Variants in RALYL observed in about 807,000 individuals in gnomAD.
The protein encoded by RALYL is RALY RNA binding protein like.
A neutral mutation model predicts 35.1 loss-of-function variants in RALYL; 29 were observed. The ratio of observed to expected loss-of-function variants is 0.83; its 90% CI spans 0.61 to 1.13. The LOEUF (loss-of-function observed/expected upper bound fraction) is 1.13, where lower values mean the gene tolerates loss of function less well. Ranked by LOEUF, RALYL falls within the 50% of genes most tolerant of loss-of-function variation. The probability of loss-of-function intolerance (pLI) is 0.00; values close to 1 mark genes in which losing one functional copy is unlikely to be tolerated. For synonymous variants in RALYL, 120 were observed against 127.6 expected (o/e 0.94, Z 0.40); for missense variants, 359 against 360.4 (o/e 1.00, Z 0.03).
chr8:84,497,213 T>G (rs969791742), intron 1 of RALYL, among the ~76,000 whole-genome samples: 2 of 152,142 alleles, frequency 1.3e-5, no homozygotes, highest in African/African-American at 4.8e-5. Context: ...TGATGGCTAC[T>G]CTCAAGCATG....
chr8:84,402,669 G>C (rs1039613810), intron 1 of RALYL, among the ~76,000 whole-genome samples: 2 of 152,064 alleles, frequency 1.3e-5, no homozygotes, highest in African/African-American at 4.8e-5. Context: ...AGTGAAAATA[G>C]ACCCTTCCAA....
intron 4 of RALYL, among the ~76,000 whole-genome samples, chr8:84,817,446 T>C (rs1411534251): frequency 6.6e-6 from 1 of 151,882 alleles, no homozygotes; most frequent in Admixed American, 6.6e-5. Flanking sequence ...TGAATCCTAT[T>C]CTGTCACTTC....
chr8:84,460,659 A>G (rs760299730), intron 1 of RALYL, among the ~76,000 whole-genome samples: 1 of 151,882 alleles, frequency 6.6e-6, no homozygotes, highest in East Asian at 1.9e-4. Context: ...ATAAATGTAT[A>G]TGAAAATAAT....
intron 1 of RALYL, among the ~76,000 whole-genome samples, chr8:84,423,641 G>T (rs538852425): frequency 2.6e-5 from 4 of 151,974 alleles, no homozygotes; most frequent in African/African-American, 9.7e-5. Flanking sequence ...TTTCTTCCTA[G>T]TCTCGATGGT....
intron 3 of RALYL, among the ~76,000 whole-genome samples, chr8:84,798,107 A>G (rs1233574284): frequency 6.6e-6 from 1 of 152,142 alleles, no homozygotes; most frequent in African/African-American, 2.4e-5. Flanking sequence ...CTCTGGGCGA[A>G]CTTATTCTCT....
chr8:84,613,229 A>T (rs910181816), intron 2 of RALYL, among the ~76,000 whole-genome samples: 1 of 151,734 alleles, frequency 6.6e-6, no homozygotes, highest in African/African-American at 2.4e-5. Context: ...CTAAAAATGA[A>T]TCATTTCAGA....
chr8:84,526,844 T>A (rs2058938022), intron 1 of RALYL, among the ~76,000 whole-genome samples: 1 of 152,192 alleles, frequency 6.6e-6, no homozygotes, highest in South Asian at 2.1e-4. Context: ...ACTTTCCTTG[T>A]CTCTTCTTTC....
intron 1 of RALYL, among the ~76,000 whole-genome samples, chr8:84,283,562 C>A (rs2132114526): frequency 6.6e-6 from 1 of 152,202 alleles, no homozygotes; most frequent in African/African-American, 2.4e-5. Flanking sequence ...CAACATGATG[C>A]TGTAATTAAG....
chr8:84,306,481 C>T (rs191401841), intron 1 of RALYL, among the ~76,000 whole-genome samples: 248 of 152,232 alleles, frequency 1.6e-3, no homozygotes, highest in African/African-American at 5.7e-3. Context: ...CCTCCCTGAT[C>T]CCTCTTCAGG....
intron 1 of RALYL, among the ~76,000 whole-genome samples, chr8:84,295,749 AT>A (rs1232592896): frequency 9.9e-5 from 15 of 152,142 alleles, no homozygotes; most frequent in Admixed American, 9.8e-4. Flanking sequence ...GTCATGTCAA[AT>A]TCATAATCAC....
At chr8:84,265,487 G>T (rs1833112995) in intron 1 of RALYL, among the ~76,000 whole-genome samples, 1 of 152,158 alleles carries the variant, frequency 6.6e-6, no homozygotes, top group Non-Finnish European at 1.5e-5. Flanking sequence ...TCAGCTGACA[G>T]CCAGGAAGGA....
At chr8:84,554,673 A>G (rs1173579855) in intron 2 of RALYL, among the ~76,000 whole-genome samples, 1 of 152,180 alleles carries the variant, frequency 6.6e-6, no homozygotes, top group Non-Finnish European at 1.5e-5. Flanking sequence ...TTTAGCCACA[A>G]CACATCCTAT....
At chr8:84,469,906 G>A (rs995144489) in intron 1 of RALYL, among the ~76,000 whole-genome samples, 4 of 152,180 alleles carry the variant, frequency 2.6e-5, no homozygotes, top group Non-Finnish European at 5.9e-5. Context: ...GATTTTCCAG[G>A]TGCCGTCTGT....
rs772217937 is a variant in RALYL, at chr8:84,887,630, A to C, written c.712A>C (p.Ser238Arg). 6.2e-7 allele frequency: 1 copy of C among 1,603,620 alleles called. No homozygotes were observed. Among genetic ancestry groups the C allele is most frequent in the Admixed American group, 1.7e-5 (1 of 58,386 alleles). Residue 238 changes from serine to arginine, a missense_variant, in exon 8 of 9, where the codon AGT becomes CGT. Physicochemically the swap from Ser to Arg is moderately radical, Grantham distance 110 (BLOSUM62 -1). Transcript: ENST00000521268. ...AEAQKKQLEESLVLIQEECVS... is the reference protein window; with the variant it reads ...AEAQKKQLEERLVLIQEECVS... The stretch of plus-strand genomic sequence containing the variant: ...AGCTCAGAAGAAGCAATTGGAAGAG[A>C]GTCTAGTGCTGATCCAAGAGGAATG...
intron 2 of RALYL, among the ~76,000 whole-genome samples, chr8:84,542,304 C>T (rs187169271): frequency 4.4e-4 from 67 of 152,108 alleles, no homozygotes; most frequent in African/African-American, 1.3e-3. Flanking sequence ...ATTTAATCTG[C>T]AAATATTTCA....
chr8:84,763,360 A>C (rs1161606095), intron 2 of RALYL, among the ~76,000 whole-genome samples: 1 of 152,204 alleles, frequency 6.6e-6, no homozygotes, highest in East Asian at 1.9e-4. Flanking sequence ...ATATTCTTTA[A>C]GGAATGTTTT....
chr8:84,696,459 A>G (rs918304417), intron 2 of RALYL, among the ~76,000 whole-genome samples: 2 of 151,912 alleles, frequency 1.3e-5, no homozygotes. Flanking sequence ...TGGTCTTAGA[A>G]GCTGGGAGCC....
intron 1 of RALYL, among the ~76,000 whole-genome samples, chr8:84,227,985 A>C (rs1235262284): frequency 6.6e-6 from 1 of 152,168 alleles, no homozygotes; most frequent in Non-Finnish European, 1.5e-5. Flanking sequence ...GACATGGCAC[A>C]TACAGAATGG....
chr8:84,258,379 C>T (rs1004811041), intron 1 of RALYL, among the ~76,000 whole-genome samples: 7 of 152,086 alleles, frequency 4.6e-5, no homozygotes, highest in African/African-American at 1.7e-4. Flanking sequence ...TTAAATTCTA[C>T]ATTTACATTG....
Sources: allele counts gnomAD v4.1 joint callset (sites outside exome capture counted in the v4.1 genomes callset), GRCh38; gene constraint gnomAD v4.1.1; transcripts MANE v1.5; gene names NCBI Gene and HGNC (gene_info 2026-07-23, HGNC 2026-07-21).